OGDH: variants seen among roughly 807,000 people sequenced by gnomAD.
The protein encoded by OGDH is 2-oxoglutarate dehydrogenase complex component E1.
In OGDH, 38 loss-of-function variants were observed where a neutral mutation model predicts 116.6. The ratio of observed to expected loss-of-function variants is 0.33; its 90% CI spans 0.25 to 0.43. The LOEUF (loss-of-function observed/expected upper bound fraction) is 0.43. Ranked by LOEUF, OGDH falls within the 20% of genes least tolerant of loss-of-function variation. The probability of loss-of-function intolerance (pLI) is 1.00; values close to 1 mark genes in which losing one functional copy is unlikely to be tolerated. For missense variants in OGDH, 825 were observed against 1,357.2 expected, an observed-to-expected ratio of 0.61 and a Z score of 6.16; for synonymous variants, 488 against 533.3, an observed-to-expected ratio of 0.92 and a Z score of 1.17.
chr7:44,640,804 C>T (rs540691355), intron 2 of OGDH, among the ~76,000 whole-genome samples: 1 of 152,076 alleles, frequency 6.6e-6, no homozygotes, highest in Non-Finnish European at 1.5e-5. Flanking sequence ...TACAGCTAGA[C>T]TTGGGGTGCG....
chr7:44,671,024 A>G (rs955508509), intron 5 of OGDH, among the ~76,000 whole-genome samples: 35 of 151,374 alleles, frequency 2.3e-4, no homozygotes, highest in Admixed American at 9.2e-4. Flanking sequence ...AAAAAAAAAA[A>G]AAAAGAAAAG....
intron 20 of OGDH, among the ~76,000 whole-genome samples, chr7:44,706,622 G>GTTTTTT (rs1265181951): frequency 3.0e-4 from 34 of 112,254 alleles, no homozygotes; most frequent in African/African-American, 1.6e-3. Context: ...CGCCCGGCTG[G>GTTTTTT]TATTTTTTTT....
rs111816655 is a variant in OGDH, at chr7:44,612,842, C to T, written c.-28+6189C>T. 8.9e-4 allele frequency among the ~76,000 whole-genome samples: 135 copies of T among 151,904 alleles called. 1 individual carries two copies. The East Asian group carries it at 0.02, about 22-fold the overall frequency. The stretch of plus-strand genomic sequence containing the variant: ...TCCTGAGTAGCTGGGACTGCAGGCA[C>T]GTACCACCACGCCTGGCTGTTTTTT... On this transcript the variant is annotated intron_variant, in intron 1 of 22. Coordinates refer to ENST00000222673, the MANE Select transcript of OGDH (RefSeq NM_002541.4).
intron 1 of OGDH, among the ~76,000 whole-genome samples, chr7:44,616,412 G>C (rs1784770515): frequency 6.6e-6 from 1 of 152,028 alleles, no homozygotes; most frequent in East Asian, 1.9e-4. Context: ...GATCAGGGAG[G>C]TGTCAGTCCC....
Position 44,672,081 on chromosome 7 carries a change from A to G in OGDH, c.634-1706A>G, listed in dbSNP as rs370911785. Reference sequence around the variant, plus strand: ...AAGACTCCATCTCAAAAATAAATAAATTAATTAATTAATTAAAAAAAAAAC... The same window carrying G: ...AAGACTCCATCTCAAAAATAAATAAGTTAATTAATTAATTAAAAAAAAAAC... On this transcript the variant is annotated intron_variant, in intron 5 of 22. Coordinates refer to ENST00000222673, the MANE Select transcript of OGDH (RefSeq NM_002541.4). 2.6e-5 allele frequency among the ~76,000 whole-genome samples: 4 copies of G among 151,992 alleles called. No individual in the cohort carries two copies. The East Asian group carries it at 7.7e-4, about 29-fold the overall frequency.
intron 2 of OGDH, among the ~76,000 whole-genome samples, chr7:44,635,196 G>A (rs1009201987): frequency 2.0e-5 from 3 of 152,180 alleles, no homozygotes; most frequent in African/African-American, 7.2e-5. Context: ...ATGGTGCCCA[G>A]CAGCTGACTT....
At chr7:44,700,630 G>C (rs1788786270) in intron 19 of OGDH, among the ~76,000 whole-genome samples, 1 of 152,234 alleles carries the variant, frequency 6.6e-6, no homozygotes. Flanking sequence ...GGCCAAGGGA[G>C]TGCAGGGTCC....
intron 2 of OGDH, among the ~76,000 whole-genome samples, chr7:44,630,064 C>T (rs1221970469): frequency 1.3e-5 from 2 of 152,194 alleles, no homozygotes; most frequent in African/African-American, 4.8e-5. Context: ...TTCCTCCTTT[C>T]GTGCTTATGA....
At position 44,675,299 on chromosome 7, in the gene OGDH, A is replaced by G. The variant is rs756796457; in HGVS notation, c.1026+31A>G. ...GCACCTGCATAGAGACACATCCAGCATAGCCCCAACTTACACAAGACCCCT... is the reference window on the plus strand; with the variant it reads ...GCACCTGCATAGAGACACATCCAGCGTAGCCCCAACTTACACAAGACCCCT... On this transcript the variant is annotated intron_variant, in intron 8 of 22. Transcript: ENST00000222673. 1.1e-5 allele frequency: 17 copies of G among 1,577,302 alleles called. No homozygotes were observed. In the South Asian group the frequency reaches 1.8e-4, roughly 17 times the overall value.
intron 5 of OGDH, among the ~76,000 whole-genome samples, 179 bp downstream of exon 5, chr7:44,667,030 T>C (rs1171775042): frequency 4.6e-5 from 7 of 152,162 alleles, no homozygotes; most frequent in Non-Finnish European, 1.0e-4. Flanking sequence ...CACTGCAGCC[T>C]TGACCTCCCA....
At position 44,633,887 on chromosome 7, in the gene OGDH, G is replaced by A. The variant is rs201684268; in HGVS notation, c.222+9322G>A. 3.3e-5 allele frequency among the ~76,000 whole-genome samples: 5 copies of A among 152,132 alleles called. No homozygotes were observed. The East Asian group carries it at 5.8e-4, about 18-fold the overall frequency. ...TGTGCAGATCTGGGTAGTTTGAAGC[G>A]TTCTCATTTCCTGAGGTGTGTCAGA... is the stretch of plus-strand genomic sequence containing the variant. On this transcript the variant is annotated intron_variant, in intron 2 of 22. Coordinates refer to ENST00000222673, the MANE Select transcript of OGDH (RefSeq NM_002541.4).
chr7:44,688,090 G>A (rs1251033624), intron 10 of OGDH, among the ~76,000 whole-genome samples: 2 of 152,022 alleles, frequency 1.3e-5, no homozygotes, highest in African/African-American at 4.8e-5. Flanking sequence ...GCTGCTGTGG[G>A]CTGGGCATGG....
chr7:44,647,374 T>G, intron 3 of OGDH: 1 of 1,028,646 alleles, frequency 9.7e-7, no homozygotes, highest in Admixed American at 2.1e-5. Flanking sequence ...TTGCATAACC[T>G]GTGACTCTTT....
intron 10 of OGDH, among the ~76,000 whole-genome samples, chr7:44,682,385 CAAAA>C (rs888406332): frequency 1.4e-4 from 18 of 131,830 alleles, no homozygotes; most frequent in Non-Finnish European, 2.8e-4. Context: ...AACTCCATTT[CAAAA>C]AAAAAAAAGA....
chr7:44,686,650 A>G (rs1788138132), intron 10 of OGDH, among the ~76,000 whole-genome samples: 1 of 151,278 alleles, frequency 6.6e-6, no homozygotes, highest in African/African-American at 2.4e-5. Flanking sequence ...TTCTGGGCTT[A>G]CAGTTTTCTT....
At chr7:44,668,625 T>C (rs1300794138) in intron 5 of OGDH, among the ~76,000 whole-genome samples, 1 of 151,248 alleles carries the variant, frequency 6.6e-6, no homozygotes. Context: ...GTGGGATGTA[T>C]TGGGCACCAG....
At chr7:44,624,613 TGTTCCTGACTGGTCACCAG>T (rs771997189) in intron 2 of OGDH, 48 bp downstream of exon 2, 4 of 1,513,848 alleles carry the variant, frequency 2.6e-6, no homozygotes, top group Non-Finnish European at 3.7e-6. Flanking sequence ...TGTGTTGGCC[TGTTCCTGACTGGTCACCAG>T]GTAAGTGTGT....
At chr7:44,660,933 C>T (rs752156974) in intron 4 of OGDH, among the ~76,000 whole-genome samples, 41 of 151,170 alleles carry the variant, frequency 2.7e-4, no homozygotes, top group Admixed American at 1.5e-3. Context: ...TACACACACA[C>T]GCGCGTGTGC....
chr7:44,672,998 C>T (rs933291441), intron 5 of OGDH, among the ~76,000 whole-genome samples: 15 of 152,090 alleles, frequency 9.9e-5, no homozygotes, highest in Admixed American at 3.9e-4. Context: ...CTCTCCTCTT[C>T]CTGAATTCCT....
Sources: gnomAD v4.1 joint callset for allele counts (sites outside exome capture counted in the v4.1 genomes callset) on GRCh38, gnomAD v4.1.1 for gene constraint, MANE v1.5 for transcripts, NCBI Gene and HGNC (gene_info 2026-07-23, HGNC 2026-07-21) for gene names.